PSD3: variants seen among roughly 807,000 people sequenced by gnomAD.
PSD3 encodes the protein pleckstrin and Sec7 domain containing 3, also known as PH and SEC7 domain-containing protein 3.
In PSD3, 49 loss-of-function variants were observed where a neutral mutation model predicts 105.5. The observed-to-expected ratio is 0.46, with a 90% CI of 0.37 to 0.59. The LOEUF (loss-of-function observed/expected upper bound fraction) is 0.59. Ranked by LOEUF, PSD3 falls within the 20% of genes least tolerant of loss-of-function variation. The pLI is 0.00. For synonymous variants in PSD3, 557 were observed against 457.8 expected, an observed-to-expected ratio of 1.22 and a Z score of -2.77; for missense variants, 1,561 against 1,263.8, an observed-to-expected ratio of 1.24 and a Z score of -3.57.
chr8:18,732,264 G>C (rs1001097296), intron 9 of PSD3, among the ~76,000 whole-genome samples: 4 of 152,120 alleles, frequency 2.6e-5, no homozygotes, highest in African/African-American at 9.7e-5. Flanking sequence ...ACTGATTGTA[G>C]ATGGACATAC....
At chr8:18,617,614 A>G (rs1805792222) in intron 11 of PSD3, among the ~76,000 whole-genome samples, 1 of 152,216 alleles carries the variant, frequency 6.6e-6, no homozygotes, top group Non-Finnish European at 1.5e-5. Flanking sequence ...AACTGCCTGA[A>G]TGAACCCTAC....
At chr8:18,799,202 G>T in intron 8 of PSD3, 93 bp downstream of exon 8, 1 of 1,138,344 alleles carries the variant, frequency 8.8e-7, no homozygotes, top group Non-Finnish European at 1.3e-6. Context: ...TAGAGAATGG[G>T]AAACGGGGAG....
intron 1 of PSD3, among the ~76,000 whole-genome samples, chr8:19,025,553 C>T (rs1229224936): frequency 6.6e-6 from 1 of 152,174 alleles, no homozygotes; most frequent in African/African-American, 2.4e-5. Flanking sequence ...AGCCTGGGCA[C>T]TGGCCAGGGT....
chr8:18,856,323 A>C (rs986750995), intron 4 of PSD3, among the ~76,000 whole-genome samples: 2 of 152,204 alleles, frequency 1.3e-5, no homozygotes, highest in Non-Finnish European at 2.9e-5. Context: ...CTTAGTATCT[A>C]CTATAGAGCA....
At chr8:18,807,535 A>T (rs2638652) in intron 4 of PSD3, among the ~76,000 whole-genome samples, 40,443 of 152,124 alleles carry the variant, frequency 0.27, 5,620 homozygotes, top group South Asian at 0.37. Flanking sequence ...TACCAAACCC[A>T]TGCTGGCTTA....
intron 1 of PSD3, among the ~76,000 whole-genome samples, chr8:18,991,300 T>C (rs1011598472): frequency 6.6e-6 from 1 of 151,932 alleles, no homozygotes; most frequent in African/African-American, 2.4e-5. Flanking sequence ...TAAGGTGATG[T>C]GTTTACTCTC....
chr8:18,863,473 A>T (rs1816603456), intron 4 of PSD3, among the ~76,000 whole-genome samples: 1 of 151,960 alleles, frequency 6.6e-6, no homozygotes, highest in Non-Finnish European at 1.5e-5. Context: ...TTCTTCATTG[A>T]TATATTGTGT....
At chr8:18,764,101 C>T (rs889444975) in intron 9 of PSD3, among the ~76,000 whole-genome samples, 1 of 152,250 alleles carries the variant, frequency 6.6e-6, no homozygotes, top group African/African-American at 2.4e-5. Flanking sequence ...ATTTGCCAAC[C>T]GTCATGCAGG....
At chr8:18,764,294 G>C (rs976527224) in intron 9 of PSD3, among the ~76,000 whole-genome samples, 1 of 152,138 alleles carries the variant, frequency 6.6e-6, no homozygotes, top group Non-Finnish European at 1.5e-5. Flanking sequence ...TTCAATGGAA[G>C]ATGTAAAACA....
chr8:18,948,971 G>C (rs1333924317), intron 1 of PSD3, among the ~76,000 whole-genome samples: 3 of 151,528 alleles, frequency 2.0e-5, no homozygotes, highest in African/African-American at 7.3e-5. Context: ...GTAATACCTA[G>C]AACTGCACCT....
intron 11 of PSD3, among the ~76,000 whole-genome samples, chr8:18,605,014 G>A (rs923373692): frequency 1.3e-5 from 2 of 152,218 alleles, no homozygotes; most frequent in African/African-American, 4.8e-5. Flanking sequence ...TTCCCTACTA[G>A]GGCAGTGTGG....
At chr8:18,695,256 T>A (rs1006701497) in intron 9 of PSD3, among the ~76,000 whole-genome samples, 4 of 136,048 alleles carry the variant, frequency 2.9e-5, no homozygotes, top group Non-Finnish European at 6.3e-5. Context: ...AAATGAAATC[T>A]TAATCTCTCT....
At chr8:18,725,708 C>T (rs76973373) in intron 9 of PSD3, among the ~76,000 whole-genome samples, 5,042 of 152,224 alleles carry the variant, frequency 0.033, 206 homozygotes, top group East Asian at 0.15. Flanking sequence ...TCCTCCAGCA[C>T]TAAACCTGTA....
intron 1 of PSD3, among the ~76,000 whole-genome samples, chr8:18,992,390 C>G (rs1825853955): frequency 6.6e-6 from 1 of 152,068 alleles, no homozygotes; most frequent in Non-Finnish European, 1.5e-5. Flanking sequence ...AATGACCCTA[C>G]AGTTGTGCTT....
intron 12 of PSD3, among the ~76,000 whole-genome samples, chr8:18,577,468 A>G (rs902565446): frequency 6.6e-6 from 1 of 152,024 alleles, no homozygotes; most frequent in South Asian, 2.1e-4. Context: ...TCAGACACGT[A>G]TATTAACCTT....
At chr8:18,866,656 G>T (rs1272495123) in intron 4 of PSD3, among the ~76,000 whole-genome samples, 1 of 152,074 alleles carries the variant, frequency 6.6e-6, no homozygotes, top group Non-Finnish European at 1.5e-5. Context: ...GTCACAAGGA[G>T]CCAATCCTGA....
chr8:18,770,113 A>T (rs1251101957), intron 8 of PSD3, among the ~76,000 whole-genome samples: 2 of 152,212 alleles, frequency 1.3e-5, no homozygotes, highest in Admixed American at 1.3e-4. Flanking sequence ...TGAGGGTTCC[A>T]GTTTCCCTCC....
At chr8:18,991,833 T>A (rs1370435285) in intron 1 of PSD3, among the ~76,000 whole-genome samples, 1 of 152,174 alleles carries the variant, frequency 6.6e-6, no homozygotes, top group Non-Finnish European at 1.5e-5. Flanking sequence ...ATTATCAAAA[T>A]AATGGCTGTG....
chr8:18,774,724 T>C (rs1249444450), intron 8 of PSD3: 3 of 361,590 alleles, frequency 8.3e-6, no homozygotes, highest in East Asian at 7.6e-5. Context: ...AGGTTTGTTT[T>C]CTGAGTTTGG....
Sources: allele counts gnomAD v4.1 joint callset (sites outside exome capture counted in the v4.1 genomes callset), GRCh38; gene constraint gnomAD v4.1.1; transcripts MANE v1.5; gene names NCBI Gene and HGNC (gene_info 2026-07-23, HGNC 2026-07-21).